The following GRID1 variants were observed in gnomAD, a reference collection of about 807,000 sequenced individuals.
GRID1 encodes the protein glutamate receptor ionotropic, delta-1.
Under a neutral mutation model 98.0 loss-of-function variants are expected in GRID1, and 28 were observed. That is an observed-to-expected ratio of 0.29 (90% CI 0.21 to 0.39). GRID1 has a LOEUF of 0.39. Among genes scored for constraint, GRID1 ranks in the 10% least tolerant of loss-of-function variants. The pLI is 1.00. For synonymous variants in GRID1, 553 were observed against 538.5 expected (o/e 1.03, Z -0.37); for missense variants, 1,111 against 1,340.5 (o/e 0.83, Z 2.67).
intron 2 of GRID1, among the ~76,000 whole-genome samples, chr10:86,230,435 C>T (rs1404672535): frequency 1.3e-5 from 2 of 152,216 alleles, no homozygotes; most frequent in African/African-American, 2.4e-5. Context: ...TCTCACCCCT[C>T]CCAGAAGCCA....
At chr10:85,901,442 G>A (rs2131815884) in intron 5 of GRID1, among the ~76,000 whole-genome samples, 1 of 152,070 alleles carries the variant, frequency 6.6e-6, no homozygotes, top group East Asian at 1.9e-4. Flanking sequence ...TAGAGACGGG[G>A]TTTCACCGTG....
At chr10:86,151,773 G>A (rs1023973254) in intron 3 of GRID1, among the ~76,000 whole-genome samples, 6 of 152,140 alleles carry the variant, frequency 3.9e-5, no homozygotes, top group African/African-American at 1.4e-4. Context: ...CCCACCCAAT[G>A]GGACCTCCTG....
intron 8 of GRID1, among the ~76,000 whole-genome samples, chr10:85,819,967 G>GAGGAAGGAAGGAAGGAAGGA (rs544578610): frequency 1.1e-5 from 1 of 88,348 alleles, no homozygotes; most frequent in Non-Finnish European, 2.4e-5. Context: ...GAGAAAGAGA[G>GAGGAAGGAAGGAAGGAAGGA]AGGAAGGAAG....
chr10:85,754,428 A>G (rs755095417), intron 8 of GRID1, among the ~76,000 whole-genome samples: 6 of 152,224 alleles, frequency 3.9e-5, no homozygotes, highest in Non-Finnish European at 8.8e-5. Flanking sequence ...CATGAGTTAC[A>G]TATGAGAAAA....
chr10:85,972,287 T>G (rs1019451825), intron 4 of GRID1, among the ~76,000 whole-genome samples: 2 of 151,748 alleles, frequency 1.3e-5, no homozygotes, highest in African/African-American at 4.8e-5. Context: ...TTTGGCACAT[T>G]TTTTAATCTA....
chr10:86,107,706 G>C (rs1478358728), intron 4 of GRID1, among the ~76,000 whole-genome samples: 1 of 152,204 alleles, frequency 6.6e-6, no homozygotes, highest in African/African-American at 2.4e-5. Flanking sequence ...TGAATATTGA[G>C]AGGAGCTCAT....
At chr10:86,138,774 G>T in intron 4 of GRID1, 45 bp downstream of exon 4, 1 of 1,494,370 alleles carries the variant, frequency 6.7e-7, no homozygotes, top group Non-Finnish European at 9.3e-7. Context: ...CTTCTGCAGA[G>T]CCCTGGGCAC....
chr10:85,844,552 A>G (rs1174390948), intron 8 of GRID1, among the ~76,000 whole-genome samples: 1 of 152,060 alleles, frequency 6.6e-6, no homozygotes, highest in Non-Finnish European at 1.5e-5. Flanking sequence ...GCATAACAGT[A>G]TCGCAAGATG....
chr10:85,993,261 T>G (rs1199851628), intron 4 of GRID1, among the ~76,000 whole-genome samples: 2 of 152,044 alleles, frequency 1.3e-5, no homozygotes, highest in Non-Finnish European at 2.9e-5. Flanking sequence ...TCTGTGCAGG[T>G]GCAGGGGCAG....
intron 4 of GRID1, among the ~76,000 whole-genome samples, chr10:85,961,769 C>T (rs1842270605): frequency 6.6e-6 from 1 of 151,928 alleles, no homozygotes; most frequent in South Asian, 2.1e-4. Context: ...CCCTCTCTTC[C>T]CTTCTTCCTT....
intron 4 of GRID1, among the ~76,000 whole-genome samples, chr10:86,092,748 A>G (rs1844167360): frequency 6.6e-6 from 1 of 152,228 alleles, no homozygotes. Flanking sequence ...AATTACTAAT[A>G]GACCTAAGAA....
At chr10:85,725,076 C>T (rs2132653094) in intron 10 of GRID1, among the ~76,000 whole-genome samples, 1 of 152,206 alleles carries the variant, frequency 6.6e-6, no homozygotes, top group East Asian at 1.9e-4. Flanking sequence ...TGTGCATCCT[C>T]CCTACATGTT....
At chr10:85,710,098 T>A (rs1841565984) in intron 12 of GRID1, among the ~76,000 whole-genome samples, 1 of 152,108 alleles carries the variant, frequency 6.6e-6, no homozygotes, top group Non-Finnish European at 1.5e-5. Flanking sequence ...AAAATTCCAA[T>A]GACATTTTTT....
At chr10:86,347,671 C>T (rs1191723832) in intron 2 of GRID1, among the ~76,000 whole-genome samples, 1 of 152,214 alleles carries the variant, frequency 6.6e-6, no homozygotes, top group South Asian at 2.1e-4. Flanking sequence ...CCTGTGGATA[C>T]CATTTGGGCC....
rs981142620 is a variant in GRID1, at chr10:86,366,243, T to G, written c.79+71A>C. 3 of 1,134,642 alleles carry G rather than the reference T, an allele frequency of 2.6e-6. No individual in the cohort carries two copies. Among genetic ancestry groups the G allele is most frequent in the African/African-American group, 3.3e-5 (2 of 59,954 alleles). The allele number at this position is 1,134,642 out of a possible 1,614,324, so 70.3% of individuals were successfully genotyped here. A position where few individuals can be genotyped will look rare whatever the true frequency, so the allele number is the denominator to read the frequency against. The stretch of plus-strand genomic sequence containing the variant: ...CCCTCGGCCCAGGGAAACGCCAAGT[T>G]TGGACGCCGCGCACCCCCTGCCCCG... On this transcript the variant is annotated intron_variant, in intron 1 of 15. Transcript: ENST00000327946. This position sits in a 1 kb window ranked among gnomAD's most constrained non-coding sequence, Gnocchi z 4.1.
chr10:86,334,365 G>T (rs1028982831), intron 2 of GRID1, among the ~76,000 whole-genome samples: 3 of 152,062 alleles, frequency 2.0e-5, no homozygotes, highest in Middle Eastern at 3.2e-3. Flanking sequence ...CTTTGTCTCC[G>T]CATGCACCAT....
intron 5 of GRID1, among the ~76,000 whole-genome samples, chr10:85,906,503 C>T (rs1841463302): frequency 6.6e-6 from 1 of 152,094 alleles, no homozygotes; most frequent in Admixed American, 6.5e-5. Context: ...TACTGGCTAT[C>T]AAATCAGTCT....
chr10:86,305,377 A>G (rs569976557), intron 2 of GRID1, among the ~76,000 whole-genome samples: 1 of 152,246 alleles, frequency 6.6e-6, no homozygotes, highest in East Asian at 1.9e-4. Context: ...GCCTATCTCT[A>G]TTTCTCTTAA....
intron 2 of GRID1, among the ~76,000 whole-genome samples, chr10:86,318,558 G>C (rs1847929232): frequency 1.3e-5 from 2 of 152,182 alleles, no homozygotes; most frequent in African/African-American, 2.4e-5. Context: ...GATGCCCCAG[G>C]GCCTGAGGAC....
Sources: allele counts gnomAD v4.1 joint callset (sites outside exome capture counted in the v4.1 genomes callset), GRCh38; gene constraint gnomAD v4.1.1; non-coding constraint Gnocchi (gnomAD v3.1); transcripts MANE v1.5; gene names NCBI Gene and HGNC (gene_info 2026-07-23, HGNC 2026-07-21).